The following S100Z variants were observed in gnomAD, a reference collection of about 807,000 sequenced individuals.
The protein encoded by S100Z is S100 calcium binding protein Z, also known as protein S100-Z.
S100Z carries 11 observed loss-of-function variants against 8.5 expected under a neutral mutation model. The observed-to-expected ratio is 1.30, with a 90% CI of 0.82 to 2.15. S100Z has a LOEUF of 2.15. Ranked by LOEUF, S100Z falls within the 30% of genes most tolerant of loss-of-function variation. The pLI is 0.00. For synonymous variants in S100Z, 34 were observed against 43.8 expected (o/e 0.78, Z 0.89); for missense variants, 126 against 117.9 (o/e 1.07, Z -0.32).
chr5:76,891,762 G>A (rs146712591), intron 4 of S100Z, among the ~76,000 whole-genome samples: 2 of 152,092 alleles, frequency 1.3e-5, no homozygotes, highest in African/African-American at 4.8e-5. Context: ...ATAGACAGAG[G>A]GTGCAGGGGA....
At chr5:76,897,227 C>T (rs555273249) in intron 4 of S100Z, among the ~76,000 whole-genome samples, 8 of 151,762 alleles carry the variant, frequency 5.3e-5, no homozygotes, top group South Asian at 2.1e-4. Context: ...CTGAGGTGGG[C>T]GGATCATGAG....
chr5:76,864,638 A>C (rs1751202199), intron 1 of S100Z, among the ~76,000 whole-genome samples: 1 of 152,134 alleles, frequency 6.6e-6, no homozygotes, highest in African/African-American at 2.4e-5. Context: ...TCCTGAGCTC[A>C]AGCGAGCCAC....
At chr5:76,944,093 G>T in the S100Z span, among the ~76,000 whole-genome samples, 1 of 151,802 alleles carries the variant, frequency 6.6e-6, no homozygotes, top group Non-Finnish European at 1.5e-5. Flanking sequence ...CCTCCAGCTT[G>T]CTCCCCACCT....
At chr5:76,912,976 G>T (rs1744721365) in intron 4 of S100Z, among the ~76,000 whole-genome samples, 1 of 152,146 alleles carries the variant, frequency 6.6e-6, no homozygotes, top group African/African-American at 2.4e-5. Context: ...CAAAAAGGGA[G>T]TCAGAAGGAG....
chr5:76,862,130 CGTGT>C (rs3053269), intron 1 of S100Z, among the ~76,000 whole-genome samples: 45 of 147,078 alleles, frequency 3.1e-4, no homozygotes, highest in East Asian at 6.3e-4. Context: ...AAGGAGTGTG[CGTGT>C]GTGTGTGTGT....
chr5:76,952,910 T>C, the S100Z span: 1 of 555,694 alleles, frequency 1.8e-6, no homozygotes. Flanking sequence ...GGCTGAGAGC[T>C]GGACCCTCGT....
chr5:76,880,082 C>G (rs146555654), intron 4 of S100Z, among the ~76,000 whole-genome samples: 8 of 152,094 alleles, frequency 5.3e-5, no homozygotes, highest in Non-Finnish European at 1.0e-4. Context: ...GTTTTGCGGG[C>G]AGAGGGTGGA....
chr5:76,894,028 A>G (rs77800743), intron 4 of S100Z, among the ~76,000 whole-genome samples: 2 of 152,178 alleles, frequency 1.3e-5, no homozygotes, highest in African/African-American at 4.8e-5. Flanking sequence ...GGTTCAGGTC[A>G]TGAAGGGAAG....
At chr5:76,852,677 T>G (rs973217385) in intron 1 of S100Z, among the ~76,000 whole-genome samples, 1 of 152,190 alleles carries the variant, frequency 6.6e-6, no homozygotes, top group Non-Finnish European at 1.5e-5. Context: ...GCTACTGCAC[T>G]GCACTCCAGC....
At position 76,858,026 on chromosome 5, in the gene S100Z, T is replaced by C. The variant is rs189630366; in HGVS notation, c.-176+7871T>C. Reference sequence around the variant, plus strand: ...GATAAAGCCTGTACTTGCTAAAAGATGGGACTGCCAGAACCAGTTTTGCTT... The same window carrying C: ...GATAAAGCCTGTACTTGCTAAAAGACGGGACTGCCAGAACCAGTTTTGCTT... On this transcript the variant is annotated intron_variant, in intron 1 of 4. Transcript: ENST00000317593. Among the ~76,000 whole-genome samples the C allele has an allele frequency of 2.0e-4, 31 of 152,324 alleles. No individual in the cohort carries two copies. In the East Asian group the frequency reaches 5.8e-3, roughly 28 times the overall value.
In S100Z at chr5:76,909,663, C is replaced by G. The variant is rs531774001; in HGVS notation, c.*3-11054C>G. On this transcript the variant is annotated intron_variant, in intron 4 of 4. Transcript: ENST00000317593. Reference sequence around the variant, plus strand: ...AGAAATCTCCAAATGATCACAAAAACCCCTGGGCTATCAGTTATGTCCCCT... The same window carrying G: ...AGAAATCTCCAAATGATCACAAAAAGCCCTGGGCTATCAGTTATGTCCCCT... Among the ~76,000 whole-genome samples, 92 of 152,286 alleles carry G rather than the reference C, an allele frequency of 6.0e-4. 1 individual carries two copies. Among genetic ancestry groups the G allele is most frequent in the African/African-American group, 2.0e-3 (85 of 41,556 alleles).
intron 4 of S100Z, among the ~76,000 whole-genome samples, chr5:76,904,517 G>A (rs1361535678): frequency 6.6e-6 from 1 of 152,138 alleles, no homozygotes; most frequent in East Asian, 1.9e-4. Flanking sequence ...CTGACCTCAT[G>A]AGATAAAATC....
chr5:76,891,242 G>A (rs1484114217), intron 4 of S100Z, among the ~76,000 whole-genome samples: 1 of 152,194 alleles, frequency 6.6e-6, no homozygotes, highest in Admixed American at 6.5e-5. Context: ...CTTAAAAGCA[G>A]TAGGTTTGAG....
intron 1 of S100Z, among the ~76,000 whole-genome samples, chr5:76,861,350 T>A (rs1295052767): frequency 6.6e-6 from 1 of 152,108 alleles, no homozygotes; most frequent in Non-Finnish European, 1.5e-5. Context: ...AGGATTTTTT[T>A]TTTTTTTGAG....
intron 1 of S100Z, among the ~76,000 whole-genome samples, chr5:76,856,993 C>A (rs1750898598): frequency 6.6e-6 from 1 of 152,086 alleles, no homozygotes; most frequent in Non-Finnish European, 1.5e-5. Context: ...TGGAGGAAAT[C>A]CAGCATAGTG....
At chr5:76,930,392 C>A in the S100Z span, among the ~76,000 whole-genome samples, 12 of 152,140 alleles carry the variant, frequency 7.9e-5, no homozygotes, top group African/African-American at 2.7e-4. Flanking sequence ...AAATGATACA[C>A]CCAAGGTCCC....
At chr5:76,917,398 C>T (rs1025327010) in intron 4 of S100Z, among the ~76,000 whole-genome samples, 5 of 152,124 alleles carry the variant, frequency 3.3e-5, no homozygotes, top group South Asian at 2.1e-4. Flanking sequence ...GTTGGTATTA[C>T]TGACATTGCT....
At chr5:76,872,704 TAATCCCAGCA>T (rs1393327925) in intron 2 of S100Z, among the ~76,000 whole-genome samples, 1 of 152,104 alleles carries the variant, frequency 6.6e-6, no homozygotes, top group Non-Finnish European at 1.5e-5. Flanking sequence ...CTCACACCTG[TAATCCCAGCA>T]TTTTGGGAGG....
chr5:76,949,224 T>G, the S100Z span, among the ~76,000 whole-genome samples: 3 of 152,002 alleles, frequency 2.0e-5, no homozygotes, highest in Non-Finnish European at 4.4e-5. Context: ...CCGTCTCTAC[T>G]AAACATACAA....
Sources: gnomAD v4.1 joint callset for allele counts (sites outside exome capture counted in the v4.1 genomes callset) on GRCh38, gnomAD v4.1.1 for gene constraint, MANE v1.5 for transcripts, NCBI Gene and HGNC (gene_info 2026-07-23, HGNC 2026-07-21) for gene names.